The following GRB2 variants were observed in gnomAD, a reference collection of about 807,000 sequenced individuals.
The protein encoded by GRB2 is growth factor receptor bound protein 2, also known as growth factor receptor-bound protein 2.
A neutral mutation model predicts 27.4 loss-of-function variants in GRB2; 2 were observed. The observed-to-expected ratio is 0.07, with a 90% CI of 0.03 to 0.23. The LOEUF (loss-of-function observed/expected upper bound fraction) is 0.23, where lower values mean the gene tolerates loss of function less well. Ranked by LOEUF, GRB2 falls within the 10% of genes least tolerant of loss-of-function variation. The probability of loss-of-function intolerance (pLI) is 1.00; values close to 1 mark genes in which losing one functional copy is unlikely to be tolerated. For missense variants in GRB2, 102 were observed against 282.4 expected (o/e 0.36, Z 4.58); for synonymous variants, 94 against 99.6 (o/e 0.94, Z 0.33).
intron 2 of GRB2, among the ~76,000 whole-genome samples, chr17:75,385,529 C>T (rs2078958471): frequency 6.6e-6 from 1 of 152,040 alleles, no homozygotes; most frequent in African/African-American, 2.4e-5. Flanking sequence ...AAGAGTGAAA[C>T]TCCATCTCGA....
At chr17:75,396,249 C>A (rs1356696257) in intron 1 of GRB2, among the ~76,000 whole-genome samples, 1 of 151,248 alleles carries the variant, frequency 6.6e-6, no homozygotes, top group African/African-American at 2.4e-5. Context: ...TTTTTCTTTT[C>A]TCTTTTTTTT....
At chr17:75,401,260 A>G (rs2079061708) in intron 1 of GRB2, among the ~76,000 whole-genome samples, 3 of 151,824 alleles carry the variant, frequency 2.0e-5, no homozygotes, top group Admixed American at 6.6e-5. Flanking sequence ...CCTGGCTAAC[A>G]AGGTGAAACC....
chr17:75,368,035 C>T (rs908627352), intron 2 of GRB2, among the ~76,000 whole-genome samples: 3 of 151,946 alleles, frequency 2.0e-5, no homozygotes, highest in African/African-American at 7.3e-5. Flanking sequence ...ATGCCTCAGC[C>T]TCTGGAGCAG....
intron 2 of GRB2, among the ~76,000 whole-genome samples, chr17:75,367,253 C>T (rs1331920222): frequency 1.3e-5 from 2 of 152,052 alleles, no homozygotes; most frequent in Non-Finnish European, 2.9e-5. Context: ...TCACTGCAGC[C>T]GCGACCTCCC....
At chr17:75,338,465 C>T (rs935921228) in intron 2 of GRB2, among the ~76,000 whole-genome samples, 3 of 152,182 alleles carry the variant, frequency 2.0e-5, no homozygotes, top group Non-Finnish European at 2.9e-5. Context: ...CACAAATCCA[C>T]GGGTGAGCTC....
chr17:75,358,025 G>T (rs2078745039), intron 2 of GRB2, among the ~76,000 whole-genome samples: 1 of 152,246 alleles, frequency 6.6e-6, no homozygotes, highest in Admixed American at 6.5e-5. Context: ...TTGAACCCGG[G>T]AGGTGGAGGT....
chr17:75,342,869 G>A (rs897072431), intron 2 of GRB2, among the ~76,000 whole-genome samples: 5 of 151,718 alleles, frequency 3.3e-5, no homozygotes, highest in Admixed American at 2.6e-4. Flanking sequence ...GAGGGTACAG[G>A]GAGACCCTGT....
chr17:75,354,952 C>G (rs2078721791), intron 2 of GRB2, among the ~76,000 whole-genome samples: 2 of 152,146 alleles, frequency 1.3e-5, no homozygotes, highest in African/African-American at 4.8e-5. Flanking sequence ...GGATTACAGG[C>G]ACATGCCAAC....
At chr17:75,338,074 C>T (rs2078593543) in intron 2 of GRB2, among the ~76,000 whole-genome samples, 1 of 151,742 alleles carries the variant, frequency 6.6e-6, no homozygotes, top group African/African-American at 2.4e-5. Flanking sequence ...GGATTACAGG[C>T]ACCCGCCACC....
In GRB2 at chr17:75,338,932, C is replaced by T. The variant is rs946350655; in HGVS notation, c.79-6135G>A. 3.1e-5 allele frequency: 33 copies of T among 1,063,236 alleles called. No homozygotes were observed. The Middle Eastern group carries it at 8.6e-4, about 28-fold the overall frequency. 65.9% of individuals were successfully genotyped at this position (1,063,236 alleles called of 1,614,324 possible). A position where few individuals can be genotyped will look rare whatever the true frequency, so the allele number is the denominator to read the frequency against. On this transcript the variant is annotated intron_variant, in intron 2 of 5. Transcript: ENST00000316804. ...GAAGGGAAAGGATTCTCTGTATGCC[C>T]AGGGAAAGCGGCGTTATGACAGGAA...
chr17:75,375,031 G>A (rs2145857970), intron 2 of GRB2, among the ~76,000 whole-genome samples: 1 of 152,134 alleles, frequency 6.6e-6, no homozygotes, highest in Non-Finnish European at 1.5e-5. Flanking sequence ...GAGTAGCTGG[G>A]ACTGCAGATG....
chr17:75,318,642 T>C lies in GRB2; in HGVS notation c.*1726A>G, dbSNP rs2078433268. 6.6e-6 allele frequency: 1 copy of C among 152,144 alleles called. No homozygotes were observed. The highest frequency in any genetic ancestry group is 6.6e-5 in the Admixed American group (1 of 15,234). 9.4% of individuals were successfully genotyped at this position (152,144 alleles called of 1,614,324 possible). ...TCTTTCCAATCTTGCCTTCCCCAAC[T>C]CTCCCTGCTTCCTGGGACCATCGGT... On this transcript the variant is annotated 3_prime_UTR_variant, in exon 6 of 6. Transcript: ENST00000316804.
At chr17:75,405,431 T>C (rs999927714) in intron 1 of GRB2, 58 bp downstream of exon 1, 3 of 152,080 alleles carry the variant, frequency 2.0e-5, no homozygotes, top group Admixed American at 6.5e-5. Flanking sequence ...CCACTCCCGC[T>C]GTAGAGCCAA....
intron 1 of GRB2, among the ~76,000 whole-genome samples, chr17:75,396,227 A>G (rs1355435993): frequency 2.0e-5 from 3 of 151,684 alleles, no homozygotes; most frequent in African/African-American, 7.3e-5. Flanking sequence ...TTCCCTGTGT[A>G]TCTACTTTTA....
intron 3 of GRB2, among the ~76,000 whole-genome samples, chr17:75,330,923 T>C (rs1377324933): frequency 6.6e-6 from 1 of 152,170 alleles, no homozygotes; most frequent in Non-Finnish European, 1.5e-5. Context: ...TGTAGTCTAA[T>C]TTGTTAACTT....
intron 2 of GRB2, chr17:75,338,867 A>ACT (rs1351178943): frequency 1.3e-6 from 1 of 783,990 alleles, no homozygotes; most frequent in African/African-American, 1.7e-5. Context: ...TTCTCTAAGA[A>ACT]GTGTGGCAAG....
rs1357168763 is a variant in GRB2, at chr17:75,318,575, G to GGA, written c.*1791_*1792dup. The GGA allele has an allele frequency of 6.6e-6, 1 of 152,240 alleles. No individual in the cohort carries two copies. The highest frequency in any genetic ancestry group is 2.4e-5 in the African/African-American group (1 of 41,440). The allele number at this position is 152,240 out of a possible 1,614,324, so 9.4% of individuals were successfully genotyped here. ...CACATCACCACAGGGGACCAGAAGT[G>GGA]GAGAGAAGACAGAGAGTTCTGCCGA... On this transcript the variant is annotated 3_prime_UTR_variant, in exon 6 of 6. Transcript: ENST00000316804.
intron 1 of GRB2, among the ~76,000 whole-genome samples, chr17:75,401,409 C>T (rs1218641428): frequency 7.5e-6 from 1 of 133,818 alleles, no homozygotes; most frequent in African/African-American, 2.9e-5. Flanking sequence ...TGCGCCACTG[C>T]AGTCCGCAGT....
At chr17:75,388,454 C>G (rs1279910167) in intron 2 of GRB2, among the ~76,000 whole-genome samples, 1 of 151,708 alleles carries the variant, frequency 6.6e-6, no homozygotes, top group Non-Finnish European at 1.5e-5. Context: ...GTTTAGTCAA[C>G]AAGATTGATA....
Sources: allele counts gnomAD v4.1 joint callset (sites outside exome capture counted in the v4.1 genomes callset), GRCh38; gene constraint gnomAD v4.1.1; transcripts MANE v1.5; gene names NCBI Gene and HGNC (gene_info 2026-07-23, HGNC 2026-07-21).